Variants in RIMS2 observed in about 807,000 individuals in gnomAD.
RIMS2 encodes the protein regulating synaptic membrane exocytosis protein 2.
In RIMS2, 59 loss-of-function variants were observed where a neutral mutation model predicts 174.4. The observed-to-expected ratio is 0.34, with a 90% CI of 0.27 to 0.42. The LOEUF (loss-of-function observed/expected upper bound fraction) is 0.42, where lower values mean the gene tolerates loss of function less well. RIMS2 is among the 10% of genes least tolerant of loss of function. RIMS2 has a pLI of 1.00. For missense variants in RIMS2, 1,620 were observed against 1,666.3 expected (o/e 0.97, Z 0.48); for synonymous variants, 606 against 572.5 (o/e 1.06, Z -0.84).
At chr8:103,609,246 C>T (rs2095277596) in intron 1 of RIMS2, among the ~76,000 whole-genome samples, 1 of 152,060 alleles carries the variant, frequency 6.6e-6, no homozygotes, top group African/African-American at 2.4e-5. Flanking sequence ...TTTATAGGTG[C>T]TGAATATTAG....
At chr8:103,621,507 T>C (rs1012351433) in intron 1 of RIMS2, among the ~76,000 whole-genome samples, 19 of 152,372 alleles carry the variant, frequency 1.2e-4, no homozygotes, top group African/African-American at 4.3e-4. Context: ...CTTGGACCAG[T>C]ATAAGCATGC....
At chr8:103,897,270 C>G (rs992778920) in intron 4 of RIMS2, among the ~76,000 whole-genome samples, 1 of 151,644 alleles carries the variant, frequency 6.6e-6, no homozygotes, top group Non-Finnish European at 1.5e-5. Context: ...CTATTTTCTT[C>G]ATTGCTTTCT....
chr8:103,947,922 T>C (rs896672806), intron 14 of RIMS2, among the ~76,000 whole-genome samples: 12 of 152,192 alleles, frequency 7.9e-5, no homozygotes, highest in Non-Finnish European at 2.9e-5. Flanking sequence ...CAGCACATAA[T>C]GTTTATTTGT....
chr8:104,234,763 G>A (rs2099249932), intron 19 of RIMS2, among the ~76,000 whole-genome samples: 1 of 152,058 alleles, frequency 6.6e-6, no homozygotes, highest in South Asian at 2.1e-4. Context: ...ACAATTACAG[G>A]AACCCATAAT....
intron 1 of RIMS2, among the ~76,000 whole-genome samples, chr8:103,605,685 A>G (rs973826754): frequency 4.6e-5 from 7 of 152,122 alleles, no homozygotes; most frequent in Non-Finnish European, 8.8e-5. Flanking sequence ...TGATCCTGTT[A>G]TTGATCTGTT....
chr8:104,124,284 C>A (rs1171215411), intron 19 of RIMS2, among the ~76,000 whole-genome samples: 4 of 151,972 alleles, frequency 2.6e-5, no homozygotes, highest in Non-Finnish European at 5.9e-5. Flanking sequence ...CTGGAGAAAT[C>A]CAGTATTATC....
At chr8:103,560,890 G>T (rs1198232751) in intron 1 of RIMS2, among the ~76,000 whole-genome samples, 1 of 152,150 alleles carries the variant, frequency 6.6e-6, no homozygotes, top group Non-Finnish European at 1.5e-5. Context: ...TTAACTAGTA[G>T]TGCTTGTAAA....
chr8:103,695,459 A>T (rs1398756001), intron 1 of RIMS2, among the ~76,000 whole-genome samples: 1 of 151,432 alleles, frequency 6.6e-6, no homozygotes, highest in Non-Finnish European at 1.5e-5. Context: ...AGTTTTTGAG[A>T]CACATTTTAT....
At chr8:104,138,263 A>G (rs150044641) in intron 19 of RIMS2, among the ~76,000 whole-genome samples, 79 of 152,264 alleles carry the variant, frequency 5.2e-4, no homozygotes, top group African/African-American at 1.7e-3. Context: ...ATGAGAATGC[A>G]GATATCTCTT....
chr8:104,004,748 G>A (rs1400164322), intron 17 of RIMS2, among the ~76,000 whole-genome samples: 1 of 152,176 alleles, frequency 6.6e-6, no homozygotes, highest in African/African-American at 2.4e-5. Flanking sequence ...AGTCTTAGGG[G>A]AGGTAGGAGG....
intron 2 of RIMS2, among the ~76,000 whole-genome samples, chr8:103,752,253 A>G (rs1296966034): frequency 6.6e-6 from 1 of 152,094 alleles, no homozygotes; most frequent in Non-Finnish European, 1.5e-5. Context: ...CAAAGATCAG[A>G]TAGTTGTAGA....
At chr8:103,687,446 A>G (rs1249742553) in intron 1 of RIMS2, among the ~76,000 whole-genome samples, 2 of 151,876 alleles carry the variant, frequency 1.3e-5, no homozygotes, top group Non-Finnish European at 2.9e-5. Context: ...ACACAACATG[A>G]TGTTTTGAAG....
At chr8:103,960,934 T>G (rs2089816976) in intron 14 of RIMS2, 131 bp from the exon 17 acceptor site, 1 of 664,074 alleles carries the variant, frequency 1.5e-6, no homozygotes, top group Non-Finnish European at 2.7e-6. Context: ...TCATAAGGAC[T>G]TTTCTTCTGT....
chr8:104,025,067 G>A (rs2096218341), intron 19 of RIMS2, among the ~76,000 whole-genome samples: 1 of 152,180 alleles, frequency 6.6e-6, no homozygotes, highest in Admixed American at 6.5e-5. Context: ...ATGTGGTAGA[G>A]TGCTAGTTGT....
At chr8:103,560,215 T>C (rs1007865246) in intron 1 of RIMS2, among the ~76,000 whole-genome samples, 1 of 152,170 alleles carries the variant, frequency 6.6e-6, no homozygotes, top group African/African-American at 2.4e-5. Flanking sequence ...ATTATTGTTA[T>C]ATTAAAGGAT....
intron 19 of RIMS2, among the ~76,000 whole-genome samples, chr8:104,222,474 C>CATG (rs1458401744): frequency 3.3e-5 from 5 of 152,158 alleles, no homozygotes; most frequent in African/African-American, 9.7e-5. Flanking sequence ...GCCCAGTGAT[C>CATG]ATGTTTGACA....
chr8:103,875,314 G>C lies in RIMS2; in HGVS notation c.699-9984G>C, dbSNP rs1314750371. ...GTTTCCAATGTCCATTATACACTCCGTTTTATACCCATGGCTTAGCTCCCA... is the reference window on the plus strand; with the variant it reads ...GTTTCCAATGTCCATTATACACTCCCTTTTATACCCATGGCTTAGCTCCCA... On this transcript the variant is annotated intron_variant, in intron 3 of 23. Transcript: ENST00000504942. 2.0e-5 allele frequency among the ~76,000 whole-genome samples: 3 copies of C among 151,586 alleles called. No homozygotes were observed. The South Asian group carries it at 6.2e-4, about 32-fold the overall frequency.
At chr8:103,628,754 T>TAAA (rs200221962) in intron 1 of RIMS2, among the ~76,000 whole-genome samples, 49 of 115,088 alleles carry the variant, frequency 4.3e-4, no homozygotes, top group Non-Finnish European at 6.1e-4. Flanking sequence ...AGACCCATAT[T>TAAA]AAAAAAAAAA....
chr8:104,166,059 C>CTTTTTTT (rs560648211), intron 19 of RIMS2, among the ~76,000 whole-genome samples: 4 of 97,832 alleles, frequency 4.1e-5, no homozygotes, highest in Non-Finnish European at 6.1e-5. Context: ...TTTTGGATTT[C>CTTTTTTT]TTTTTTTTTT....
Sources: gnomAD v4.1 joint callset for allele counts (sites outside exome capture counted in the v4.1 genomes callset) on GRCh38, gnomAD v4.1.1 for gene constraint, MANE v1.5 for transcripts, NCBI Gene and HGNC (gene_info 2026-07-23, HGNC 2026-07-21) for gene names.